GRIA1: variants seen among roughly 807,000 people sequenced by gnomAD.
The protein encoded by GRIA1 is glutamate receptor 1.
A neutral mutation model predicts 99.2 loss-of-function variants in GRIA1; 31 were observed. The ratio of observed to expected loss-of-function variants is 0.31; its 90% CI spans 0.23 to 0.42. The LOEUF (loss-of-function observed/expected upper bound fraction) is 0.42, where lower values mean the gene tolerates loss of function less well. Among genes scored for constraint, GRIA1 ranks in the 10% least tolerant of loss-of-function variants. The pLI, the probability that GRIA1 is intolerant of heterozygous loss-of-function variation, is 1.00. For missense variants in GRIA1, 782 were observed against 1,157.5 expected, an observed-to-expected ratio of 0.68 and a Z score of 4.71; for synonymous variants, 438 against 432.4, an observed-to-expected ratio of 1.01 and a Z score of -0.16.
chr5:153,679,544 C>T (rs570461250), intron 7 of GRIA1, among the ~76,000 whole-genome samples: 1 of 152,240 alleles, frequency 6.6e-6, no homozygotes, highest in East Asian at 1.9e-4. Context: ...CCTCTTCCCC[C>T]AGTTAGGTCT....
chr5:153,595,588 A>C (rs1764358410), intron 2 of GRIA1, among the ~76,000 whole-genome samples: 1 of 151,932 alleles, frequency 6.6e-6, no homozygotes, highest in African/African-American at 2.4e-5. Context: ...TTACATATCC[A>C]GTCATTTATT....
intron 2 of GRIA1, among the ~76,000 whole-genome samples, chr5:153,502,563 T>G (rs552820474): frequency 6.6e-6 from 1 of 152,176 alleles, no homozygotes; most frequent in Non-Finnish European, 1.5e-5. Flanking sequence ...ATCTTCTAAA[T>G]AAAGAATTTC....
chr5:153,580,117 T>C (rs1762918684), intron 2 of GRIA1, among the ~76,000 whole-genome samples: 1 of 152,156 alleles, frequency 6.6e-6, no homozygotes, highest in Non-Finnish European at 1.5e-5. Flanking sequence ...TTTAACCTCA[T>C]ATGTAGCTGG....
Position 153,738,720 on chromosome 5 carries a change from C to CTTT in GRIA1, c.1824-25698_1824-25696dup, listed in dbSNP as rs55874747. On this transcript the variant is annotated intron_variant, in intron 11 of 15. Coordinates refer to ENST00000285900, the MANE Select transcript of GRIA1 (RefSeq NM_000827.4). ...TGTTGCGTGTTCATCTCCATACCTT[C>CTTT]TTTTTTTTTTTTTTTTTTGGAGAAG... is the stretch of plus-strand genomic sequence containing the variant. 1.4e-4 allele frequency among the ~76,000 whole-genome samples: 14 copies of CTTT among 102,354 alleles called. 1 individual carries two copies. Among genetic ancestry groups the CTTT allele is most frequent in the African/African-American group, 4.9e-4 (12 of 24,724 alleles). 67.1% of individuals were successfully genotyped at this position (102,354 alleles called of 152,430 possible).
intron 11 of GRIA1, among the ~76,000 whole-genome samples, chr5:153,731,475 G>A (rs560106585): frequency 6.6e-6 from 1 of 152,094 alleles, no homozygotes; most frequent in Admixed American, 6.6e-5. Flanking sequence ...CTGCCTTCAG[G>A]ACTCCTGTGT....
At chr5:153,723,426 G>A (rs1760229046) in intron 11 of GRIA1, among the ~76,000 whole-genome samples, 1 of 152,240 alleles carries the variant, frequency 6.6e-6, no homozygotes, top group African/African-American at 2.4e-5. Flanking sequence ...TGCACGAGCT[G>A]AAGCAGGGCG....
chr5:153,781,531 T>C (rs1358590400), intron 13 of GRIA1, among the ~76,000 whole-genome samples: 3 of 152,148 alleles, frequency 2.0e-5, no homozygotes, highest in Non-Finnish European at 4.4e-5. Context: ...GAATTTAGCA[T>C]GCAGGAAACC....
chr5:153,656,334 T>A (rs1017136044), intron 5 of GRIA1, among the ~76,000 whole-genome samples: 13 of 149,686 alleles, frequency 8.7e-5, no homozygotes, highest in African/African-American at 2.9e-4. Context: ...AACAATATTA[T>A]GTCCATTTAG....
intron 12 of GRIA1, among the ~76,000 whole-genome samples, chr5:153,765,926 A>T (rs1379225464): frequency 6.6e-6 from 1 of 152,236 alleles, no homozygotes; most frequent in Non-Finnish European, 1.5e-5. Flanking sequence ...AATTAGTAGC[A>T]GAAGGAGCAG....
intron 11 of GRIA1, among the ~76,000 whole-genome samples, chr5:153,718,128 C>T (rs1759795848): frequency 6.6e-6 from 1 of 152,208 alleles, no homozygotes; most frequent in African/African-American, 2.4e-5. Context: ...GCTAACTAAG[C>T]ATTATGGCAG....
At chr5:153,699,700 G>A (rs1758376075) in intron 10 of GRIA1, among the ~76,000 whole-genome samples, 1 of 151,694 alleles carries the variant, frequency 6.6e-6, no homozygotes, top group Non-Finnish European at 1.5e-5. Flanking sequence ...TTTTTTAATG[G>A]TTTACCCTGC....
At chr5:153,727,204 A>G (rs1042104889) in intron 11 of GRIA1, among the ~76,000 whole-genome samples, 2 of 152,116 alleles carry the variant, frequency 1.3e-5, no homozygotes, top group Admixed American at 6.6e-5. Flanking sequence ...GCTAAAAACT[A>G]TCAATAAATT....
intron 11 of GRIA1, among the ~76,000 whole-genome samples, chr5:153,761,212 G>A (rs112618020): frequency 0.02 from 2,973 of 152,214 alleles, 39 homozygotes; most frequent in Non-Finnish European, 0.031. Context: ...CATGGCAAAA[G>A]AAGCAATCAA....
intron 2 of GRIA1, among the ~76,000 whole-genome samples, chr5:153,536,041 T>G (rs1758534228): frequency 6.6e-6 from 1 of 152,154 alleles, no homozygotes; most frequent in African/African-American, 2.4e-5. Context: ...GCACTCCTTG[T>G]TCCACACCTG....
intron 11 of GRIA1, among the ~76,000 whole-genome samples, chr5:153,745,006 G>A (rs565542039): frequency 3.3e-5 from 5 of 152,214 alleles, no homozygotes; most frequent in East Asian, 1.9e-4. Context: ...CCCTAGCTTC[G>A]GAGGCAATAC....
intron 9 of GRIA1, 104 bp downstream of exon 9, chr5:153,698,258 T>C: frequency 1.7e-6 from 1 of 587,150 alleles, no homozygotes; most frequent in Non-Finnish European, 3.1e-6. Flanking sequence ...GCCAAAACTG[T>C]GTAATAGATA....
chr5:153,524,199 C>T (rs1309211928), intron 2 of GRIA1, among the ~76,000 whole-genome samples: 3 of 152,132 alleles, frequency 2.0e-5, no homozygotes, highest in Non-Finnish European at 4.4e-5. Flanking sequence ...TGGTGGGGCT[C>T]ACCTGTAGTC....
At chr5:153,515,447 G>A (rs1258126787) in intron 2 of GRIA1, among the ~76,000 whole-genome samples, 1 of 152,176 alleles carries the variant, frequency 6.6e-6, no homozygotes, top group Admixed American at 6.5e-5. Context: ...GAAGTAAAGA[G>A]TAGAATGGTG....
rs1766974713 is a variant in GRIA1 at position 153,813,619 on chromosome 5, T to C, written c.*2394T>C. The C allele has an allele frequency of 6.6e-6, 1 of 152,240 alleles. No homozygotes were observed. Among genetic ancestry groups the C allele is most frequent in the African/African-American group, 2.4e-5 (1 of 41,466 alleles). The allele number at this position is 152,240 out of a possible 1,614,324, so 9.4% of individuals were successfully genotyped here. On this transcript the variant is annotated 3_prime_UTR_variant, in exon 16 of 16. Coordinates refer to ENST00000285900, the MANE Select transcript of GRIA1 (RefSeq NM_000827.4). ...GGGAAAACTCTGAAAGAGACTGACA[T>C]TTTTCTCAACAGGAATCCATACTTA...
Sources: gnomAD v4.1 joint callset for allele counts (sites outside exome capture counted in the v4.1 genomes callset) on GRCh38, gnomAD v4.1.1 for gene constraint, MANE v1.5 for transcripts, NCBI Gene and HGNC (gene_info 2026-07-23, HGNC 2026-07-21) for gene names.